Variants in NCAM1 observed in about 807,000 individuals in gnomAD.
The protein encoded by NCAM1 is neural cell adhesion molecule 1.
In NCAM1, 14 loss-of-function variants were observed where a neutral mutation model predicts 109.8. The ratio of observed to expected loss-of-function variants is 0.13; its 90% CI spans 0.08 to 0.20. NCAM1 has a LOEUF of 0.20. Among genes scored for constraint, NCAM1 ranks in the 10% least tolerant of loss-of-function variants. The pLI is 1.00. For missense variants in NCAM1, 774 were observed against 1,109.9 expected (o/e 0.70, Z 4.30); for synonymous variants, 418 against 442.9 (o/e 0.94, Z 0.70).
intron 1 of NCAM1, among the ~76,000 whole-genome samples, chr11:112,992,509 T>G (rs995089234): frequency 6.7e-6 from 1 of 149,758 alleles, no homozygotes; most frequent in African/African-American, 2.4e-5. Flanking sequence ...TTTTCTTTTT[T>G]TTTTTTTTTT....
At chr11:113,027,424 TATG>T (rs1216290648) in intron 1 of NCAM1, among the ~76,000 whole-genome samples, 1 of 152,200 alleles carries the variant, frequency 6.6e-6, no homozygotes. Flanking sequence ...CCCATTATAG[TATG>T]ATGAGTCTCA....
intron 15 of NCAM1, among the ~76,000 whole-genome samples, chr11:113,249,764 A>T (rs1945609392): frequency 6.6e-6 from 1 of 152,208 alleles, no homozygotes; most frequent in African/African-American, 2.4e-5. Flanking sequence ...TGTTTTCATG[A>T]CACCTGCGAG....
chr11:113,187,563 C>CTGTGTGTG (rs33947463), intron 1 of NCAM1, among the ~76,000 whole-genome samples: 1,734 of 147,224 alleles, frequency 0.012, 18 homozygotes, highest in African/African-American at 0.035. Context: ...GTGTGTGTTT[C>CTGTGTGTG]TGTGTGTGTG....
rs2137242476 is a variant in NCAM1, at chr11:113,232,334, C to T, written c.1405C>T (p.Pro469Ser). 6.2e-7 allele frequency: 1 copy of T among 1,611,236 alleles called. No individual in the cohort carries two copies. The highest frequency in any genetic ancestry group is 2.2e-5 in the East Asian group (1 of 44,870). The part of the protein sequence containing the change: ...NYSNIKIYNT[P>S]SASYLEVTPD... ...CAGCAATATCAAGATCTACAACACCCCCTCTGCCAGCTATCTGGAGGTGAG... is the reference window on the plus strand; with the variant it reads ...CAGCAATATCAAGATCTACAACACCTCCTCTGCCAGCTATCTGGAGGTGAG... The change falls in exon 11 of 20, where the codon CCC becomes TCC. Residue 469 changes from proline (P) to serine (S), a missense_variant. By Grantham distance (74) the Pro-to-Ser change is moderately conservative. Transcript: ENST00000316851.
rs1945169704 is a variant in NCAM1, at chr11:113,236,427, G to T, written c.1825+1263G>T. On this transcript the variant is annotated intron_variant, in intron 14 of 19. Transcript: ENST00000316851. Reference sequence around the variant, plus strand: ...TTGTCCCCTAGAGGCTGAAGTAGATGATATTGTCTGGGCCCTAACCACACT... The same window carrying T: ...TTGTCCCCTAGAGGCTGAAGTAGATTATATTGTCTGGGCCCTAACCACACT... 9 of 1,188,668 alleles carry T rather than the reference G, an allele frequency of 7.6e-6. No homozygotes were observed. The South Asian group carries it at 1.1e-4, about 15-fold the overall frequency. The allele number at this position is 1,188,668 out of a possible 1,614,324, so 73.6% of individuals were successfully genotyped here. A position where few individuals can be genotyped will look rare whatever the true frequency, so the allele number is the denominator to read the frequency against.
chr11:113,092,340 T>A (rs1939385372), intron 1 of NCAM1, among the ~76,000 whole-genome samples: 1 of 152,192 alleles, frequency 6.6e-6, no homozygotes, highest in South Asian at 2.1e-4. Context: ...TTAACCACAA[T>A]GCTATGCTCC....
chr11:113,232,027 G>C (rs1228537872), intron 10 of NCAM1, 143 bp from the exon 11 acceptor site: 2 of 961,994 alleles, frequency 2.1e-6, no homozygotes, highest in Non-Finnish European at 3.0e-6. Flanking sequence ...CTGTGCACAG[G>C]AATTCTAGAA....
intron 1 of NCAM1, among the ~76,000 whole-genome samples, chr11:113,118,981 A>C (rs1328802501): frequency 6.6e-6 from 1 of 152,064 alleles, no homozygotes; most frequent in African/African-American, 2.4e-5. Context: ...GAAATATTTA[A>C]ATTACCTTCA....
intron 1 of NCAM1, among the ~76,000 whole-genome samples, chr11:113,069,089 T>G (rs73566702): frequency 0.01 from 1,527 of 152,192 alleles, 28 homozygotes; most frequent in African/African-American, 0.035. Context: ...ACTGCAAAGA[T>G]GAGTAGGAAG....
At chr11:113,120,780 G>A (rs964601244) in intron 1 of NCAM1, among the ~76,000 whole-genome samples, 6 of 152,144 alleles carry the variant, frequency 3.9e-5, no homozygotes, top group African/African-American at 1.4e-4. Flanking sequence ...ACGAAAACTC[G>A]AAGAAAATGC....
At chr11:113,022,721 G>T (rs1952427630) in intron 1 of NCAM1, among the ~76,000 whole-genome samples, 1 of 152,130 alleles carries the variant, frequency 6.6e-6, no homozygotes, top group Non-Finnish European at 1.5e-5. Context: ...CAGGTACGTA[G>T]GTAGGTAGGT....
At chr11:113,005,445 TCTGC>T (rs1190911277) in intron 1 of NCAM1, among the ~76,000 whole-genome samples, 1 of 152,192 alleles carries the variant, frequency 6.6e-6, no homozygotes, top group Non-Finnish European at 1.5e-5. Context: ...CTTCCAGTCT[TCTGC>T]CTGGGAAATG....
intron 15 of NCAM1, 45 bp downstream of exon 15, chr11:113,246,415 G>A: frequency 2.7e-6 from 2 of 727,286 alleles, no homozygotes; most frequent in Middle Eastern, 2.6e-4. Context: ...TGGGACCACA[G>A]CCTGGCACAT....
At chr11:113,084,541 C>G (rs1938991710) in intron 1 of NCAM1, among the ~76,000 whole-genome samples, 1 of 152,266 alleles carries the variant, frequency 6.6e-6, no homozygotes, top group East Asian at 1.9e-4. Flanking sequence ...CAGTGTTTCA[C>G]CTTTCTTCGT....
intron 1 of NCAM1, among the ~76,000 whole-genome samples, chr11:113,112,875 T>C (rs1940507237): frequency 6.6e-6 from 1 of 152,164 alleles, no homozygotes; most frequent in African/African-American, 2.4e-5. Flanking sequence ...CTCACACCCG[T>C]AATCCCAGCA....
intron 17 of NCAM1, chr11:113,269,618 G>A (rs1365661144): frequency 6.3e-6 from 1 of 158,492 alleles, no homozygotes; most frequent in Non-Finnish European, 1.4e-5. Flanking sequence ...AACCCAGTGT[G>A]CTCTAATGCA....
chr11:113,097,938 A>T (rs1160249807), intron 1 of NCAM1, among the ~76,000 whole-genome samples: 3 of 152,168 alleles, frequency 2.0e-5, no homozygotes, highest in Non-Finnish European at 2.9e-5. Flanking sequence ...AATATTTGAG[A>T]TAGCTGAAGC....
chr11:113,100,588 C>G (rs1408363633), intron 1 of NCAM1, among the ~76,000 whole-genome samples: 1 of 152,060 alleles, frequency 6.6e-6, no homozygotes, highest in Non-Finnish European at 1.5e-5. Flanking sequence ...AGATAATCTT[C>G]CCCTGGAGTT....
intron 1 of NCAM1, among the ~76,000 whole-genome samples, chr11:113,013,637 A>C (rs1411433280): frequency 6.6e-6 from 1 of 152,038 alleles, no homozygotes; most frequent in East Asian, 1.9e-4. Context: ...TTTTTTTTAA[A>C]TGGCTTAAAC....
Sources: allele counts gnomAD v4.1 joint callset (sites outside exome capture counted in the v4.1 genomes callset), GRCh38; gene constraint gnomAD v4.1.1; transcripts MANE v1.5; gene names NCBI Gene and HGNC (gene_info 2026-07-23, HGNC 2026-07-21).